The following KLHL13 variants were observed in gnomAD, a reference collection of about 807,000 sequenced individuals.
KLHL13 encodes the protein kelch-like protein 13.
Under a neutral mutation model 37.1 loss-of-function variants are expected in KLHL13, and 10 were observed. That is an observed-to-expected ratio of 0.27 (90% CI 0.17 to 0.46). KLHL13 has a LOEUF of 0.46. KLHL13 is among the 20% of genes least tolerant of loss of function. The pLI, the probability that KLHL13 is intolerant of heterozygous loss-of-function variation, is 1.00. For synonymous variants in KLHL13, 163 were observed against 181.2 expected (o/e 0.90, Z 0.81); for missense variants, 360 against 509.3 (o/e 0.71, Z 2.82).
At chrX:117,919,748 G>A (rs183447997) in intron 3 of KLHL13, 31 bp from the exon 5 acceptor site, 2 of 1,073,887 alleles carry the variant, frequency 1.9e-6, no homozygotes, top group Non-Finnish European at 1.3e-6. Context: ...ATTAAATGAA[G>A]GTGGATAATT....
chrX:117,964,062 G>C (rs912573294), intron 1 of KLHL13, among the ~76,000 whole-genome samples: 3 of 79,881 alleles, frequency 3.8e-5, no homozygotes, highest in African/African-American at 9.5e-5. Flanking sequence ...GGAGGGGGGA[G>C]GGATAGCATT....
In KLHL13 at chrX:117,985,889, A is replaced by T. The variant is rs6646020; in HGVS notation, c.-55-40314T>A. On this transcript the variant is annotated intron_variant, in intron 1 of 6. Transcript: ENST00000371882. Reference sequence around the variant, plus strand: ...AACAAATGAGCTACTTCAAAAATACATATAACTCATCTCCCTGCATTGCCC... The same window carrying T: ...AACAAATGAGCTACTTCAAAAATACTTATAACTCATCTCCCTGCATTGCCC... Among the ~76,000 whole-genome samples, 503 of 110,979 alleles carry T rather than the reference A, an allele frequency of 4.5e-3. 3 individuals carry two copies. Among genetic ancestry groups the T allele is most frequent in the African/African-American group, 0.014 (421 of 30,599 alleles).
At chrX:118,020,101 G>A (rs1281050508) in intron 1 of KLHL13, among the ~76,000 whole-genome samples, 2 of 110,268 alleles carry the variant, frequency 1.8e-5, no homozygotes, top group Admixed American at 9.7e-5. Context: ...TCATTTTCAC[G>A]ATATTGATTC....
chrX:118,021,264 A>C (rs1460790761), intron 1 of KLHL13, among the ~76,000 whole-genome samples: 5 of 105,988 alleles, frequency 4.7e-5, no homozygotes, highest in Non-Finnish European at 9.7e-5. Context: ...TTATACTTTA[A>C]GTTCTAGGGT....
At chrX:118,023,443 A>C (rs2054241981) in intron 1 of KLHL13, among the ~76,000 whole-genome samples, 1 of 111,638 alleles carries the variant, frequency 9.0e-6, no homozygotes, top group Non-Finnish European at 1.9e-5. Context: ...TTGTTTTCAA[A>C]CACCTTTGGA....
intron 1 of KLHL13, among the ~76,000 whole-genome samples, chrX:118,088,396 T>C (rs1569313411): frequency 4.5e-5 from 5 of 112,055 alleles, no homozygotes; most frequent in Admixed American, 9.5e-5. Context: ...CTCATCCCCA[T>C]TCTGACTTCA....
At chrX:117,950,823 T>G (rs1283713857) in intron 1 of KLHL13, among the ~76,000 whole-genome samples, 1 of 112,598 alleles carries the variant, frequency 8.9e-6, no homozygotes, top group African/African-American at 3.2e-5. Flanking sequence ...AACAGAGAAG[T>G]GTCTGCTAGC....
chrX:118,044,271 G>A (rs910952662), intron 1 of KLHL13, among the ~76,000 whole-genome samples: 1 of 110,968 alleles, frequency 9.0e-6, no homozygotes, highest in Non-Finnish European at 1.9e-5. Context: ...TTCATGGATT[G>A]GAGGAATCAA....
intron 1 of KLHL13, among the ~76,000 whole-genome samples, chrX:118,094,301 C>T (rs780614560): frequency 3.1e-4 from 34 of 108,563 alleles, no homozygotes; most frequent in South Asian, 1.2e-3. Flanking sequence ...CGATGGAAGA[C>T]GAAATGAATG....
At chrX:118,095,761 G>A (rs2055197786) in intron 1 of KLHL13, among the ~76,000 whole-genome samples, 1 of 111,908 alleles carries the variant, frequency 8.9e-6, no homozygotes, top group African/African-American at 3.3e-5. Flanking sequence ...TCAACTACAT[G>A]GAAACTGAAC....
chrX:118,102,775 T>C (rs939092343), intron 1 of KLHL13, among the ~76,000 whole-genome samples: 1 of 112,235 alleles, frequency 8.9e-6, no homozygotes, highest in Admixed American at 9.5e-5. Flanking sequence ...TGCAGAGTCA[T>C]TCTAAACCAT....
chrX:117,991,101 G>A (rs1318385817), intron 1 of KLHL13, among the ~76,000 whole-genome samples: 28 of 98,645 alleles, frequency 2.8e-4, no homozygotes, highest in Admixed American at 2.8e-3. Flanking sequence ...TGTTTTTGGG[G>A]TATGTTTGGA....
At chrX:117,958,676 A>G (rs2053242385) in intron 1 of KLHL13, among the ~76,000 whole-genome samples, 1 of 109,912 alleles carries the variant, frequency 9.1e-6, no homozygotes. Flanking sequence ...AGAGATGATA[A>G]TAAAACAAAG....
intron 2 of KLHL13, among the ~76,000 whole-genome samples, chrX:117,931,510 A>T (rs1182058723): frequency 2.7e-5 from 3 of 111,583 alleles, no homozygotes; most frequent in Non-Finnish European, 5.7e-5. Flanking sequence ...TCAGTAGGTG[A>T]ACGGAAGAAA....
At chrX:118,068,208 C>A (rs1358374327) in intron 1 of KLHL13, among the ~76,000 whole-genome samples, 1 of 111,805 alleles carries the variant, frequency 8.9e-6, no homozygotes, top group African/African-American at 3.3e-5. Context: ...TCTGCACACA[C>A]ACAATTTCTG....
At chrX:118,095,914 G>A (rs1433585641) in intron 1 of KLHL13, among the ~76,000 whole-genome samples, 4 of 112,012 alleles carry the variant, frequency 3.6e-5, no homozygotes, top group Non-Finnish European at 5.6e-5. Context: ...GAATCTCTGG[G>A]ACACATTCAA....
At chrX:118,037,394 C>G in intron 1 of KLHL13, among the ~76,000 whole-genome samples, 1 of 82,159 alleles carries the variant, frequency 1.2e-5, no homozygotes, top group South Asian at 7.6e-4. Flanking sequence ...CACATATACA[C>G]CATGGAATAC....
chrX:118,026,235 AC>A (rs2054273940), intron 1 of KLHL13, among the ~76,000 whole-genome samples: 1 of 112,144 alleles, frequency 8.9e-6, no homozygotes, highest in Non-Finnish European at 1.9e-5. Context: ...ATTGAAAAAC[AC>A]AAATACTACA....
intron 5 of KLHL13, among the ~76,000 whole-genome samples, chrX:117,904,393 GA>G (rs1370991452): frequency 9.0e-6 from 1 of 111,110 alleles, no homozygotes; most frequent in South Asian, 3.8e-4. Flanking sequence ...CAACAACTCT[GA>G]TGGGAAGAGG....
Sources: gnomAD v4.1 joint callset for allele counts (sites outside exome capture counted in the v4.1 genomes callset) on GRCh38, gnomAD v4.1.1 for gene constraint, MANE v1.5 for transcripts, NCBI Gene and HGNC (gene_info 2026-07-23, HGNC 2026-07-21) for gene names.